The following MMP26 variants were observed in gnomAD, a reference collection of about 807,000 sequenced individuals.
The protein encoded by MMP26 is matrix metallopeptidase 26, also known as matrix metalloproteinase-26.
In MMP26, 33 loss-of-function variants were observed where a neutral mutation model predicts 31.0. That is an observed-to-expected ratio of 1.06 (90% CI 0.81 to 1.42). The LOEUF (loss-of-function observed/expected upper bound fraction) is 1.42. MMP26 is among the 40% of genes most tolerant of loss of function. The pLI is 0.00. For synonymous variants in MMP26, 122 were observed against 114.9 expected (o/e 1.06, Z -0.40); for missense variants, 347 against 316.1 (o/e 1.10, Z -0.74).
chr11:4,797,002 C>A (rs1419972261), intron 2 of MMP26, among the ~76,000 whole-genome samples: 1 of 151,994 alleles, frequency 6.6e-6, no homozygotes, highest in East Asian at 1.9e-4. Context: ...GACTTGCTCA[C>A]TTTTTAAAAT....
intron 2 of MMP26, among the ~76,000 whole-genome samples, chr11:4,906,147 G>T (rs935413489): frequency 2.0e-5 from 3 of 152,144 alleles, no homozygotes; most frequent in African/African-American, 7.2e-5. Flanking sequence ...GTGTTTAAGC[G>T]AGGAGGTGCC....
intron 2 of MMP26, among the ~76,000 whole-genome samples, chr11:4,850,934 C>G (rs548324110): frequency 7.1e-4 from 106 of 150,210 alleles, no homozygotes; most frequent in African/African-American, 2.5e-3. Context: ...ATATAACTTT[C>G]AAGCTAAAAA....
chr11:4,941,031 A>G (rs1846198464), intron 2 of MMP26, among the ~76,000 whole-genome samples: 1 of 145,934 alleles, frequency 6.9e-6, no homozygotes, highest in African/African-American at 2.5e-5. Flanking sequence ...TGGATTATAT[A>G]CCTTTTCCAC....
chr11:4,905,477 C>A (rs1334930119), intron 2 of MMP26, among the ~76,000 whole-genome samples: 1 of 152,074 alleles, frequency 6.6e-6, no homozygotes, highest in South Asian at 2.1e-4. Context: ...AGTTAAGCTT[C>A]CATATAAAGG....
chr11:4,956,747 T>G (rs1846449271), intron 2 of MMP26, among the ~76,000 whole-genome samples: 1 of 152,170 alleles, frequency 6.6e-6, no homozygotes, highest in African/African-American at 2.4e-5. Flanking sequence ...CTTGTCCAAC[T>G]TAGACAAGTT....
chr11:4,722,866 G>A (rs1589883584), intron 1 of MMP26: 1 of 818,640 alleles, frequency 1.2e-6, no homozygotes, highest in Non-Finnish European at 2.1e-6. Flanking sequence ...CAAAGCTGGA[G>A]CCCAGGCCAT....
In MMP26 at chr11:4,989,920, G is replaced by A. The variant is rs753989454; in HGVS notation, c.320+52G>A. 18 of 1,462,874 alleles carry A rather than the reference G, an allele frequency of 1.2e-5. No individual in the cohort carries two copies. The South Asian group carries it at 2.0e-4, about 16-fold the overall frequency. 90.6% of individuals were successfully genotyped at this position (1,462,874 alleles called of 1,614,324 possible). A position where few individuals can be genotyped will look rare whatever the true frequency, so the allele number is the denominator to read the frequency against. On this transcript the variant is annotated intron_variant, in intron 4 of 7. Transcript: ENST00000380390. ...AATGTGTGGGGTGATGACCTCAAAGGGCTTTCTACCAGGTCTCTCCTGGAG... is the reference window on the plus strand; with the variant it reads ...AATGTGTGGGGTGATGACCTCAAAGAGCTTTCTACCAGGTCTCTCCTGGAG...
At chr11:4,884,298 C>G (rs1850519044) in intron 2 of MMP26, among the ~76,000 whole-genome samples, 1 of 151,958 alleles carries the variant, frequency 6.6e-6, no homozygotes, top group Non-Finnish European at 1.5e-5. Flanking sequence ...ACTCCAAGTC[C>G]CTCATTGTAG....
At chr11:4,868,218 G>T (rs151181955) in intron 2 of MMP26, among the ~76,000 whole-genome samples, 1,919 of 152,184 alleles carry the variant, frequency 0.013, 35 homozygotes, top group African/African-American at 0.042. Context: ...CACATGGGGG[G>T]AACAACACAC....
intron 2 of MMP26, among the ~76,000 whole-genome samples, chr11:4,800,205 C>T (rs1050254824): frequency 6.6e-6 from 1 of 152,354 alleles, no homozygotes; most frequent in African/African-American, 2.4e-5. Flanking sequence ...TCTTCCCCTG[C>T]AGCAGGCTTC....
At chr11:4,783,609 G>A (rs1293221165) in intron 2 of MMP26, among the ~76,000 whole-genome samples, 4 of 152,182 alleles carry the variant, frequency 2.6e-5, no homozygotes, top group African/African-American at 7.2e-5. Context: ...ATGTGAAGAA[G>A]TGAGATTTAG....
At chr11:4,732,668 C>T (rs932536494) in intron 1 of MMP26, among the ~76,000 whole-genome samples, 22 of 152,004 alleles carry the variant, frequency 1.4e-4, no homozygotes, top group Non-Finnish European at 2.2e-4. Context: ...CTTTTTGTCT[C>T]TATAGATTTG....
intron 2 of MMP26, among the ~76,000 whole-genome samples, chr11:4,837,233 G>T (rs1849731378): frequency 6.6e-6 from 1 of 152,094 alleles, no homozygotes; most frequent in Non-Finnish European, 1.5e-5. Context: ...TTTGAGACAA[G>T]GTCTTGTTCT....
chr11:4,928,667 G>T (rs563956883), intron 2 of MMP26, among the ~76,000 whole-genome samples: 1 of 151,520 alleles, frequency 6.6e-6, no homozygotes, highest in Non-Finnish European at 1.5e-5. Flanking sequence ...TTTTTTTCAC[G>T]TAAGTCTTAG....
At chr11:4,812,440 A>G (rs1849362509) in intron 2 of MMP26, among the ~76,000 whole-genome samples, 1 of 152,182 alleles carries the variant, frequency 6.6e-6, no homozygotes, top group South Asian at 2.1e-4. Flanking sequence ...AGACAGCCAC[A>G]GTAGAACGCG....
chr11:4,920,343 G>T (rs17337649), intron 2 of MMP26, among the ~76,000 whole-genome samples: 14,250 of 152,114 alleles, frequency 0.094, 857 homozygotes, highest in Middle Eastern at 0.2. Context: ...TCTTTTGCTT[G>T]CTGTACCTTC....
At chr11:4,924,299 A>C in intron 2 of MMP26, 3 of 1,613,066 alleles carry the variant, frequency 1.9e-6, no homozygotes, top group African/African-American at 1.3e-5. Context: ...CGTCAGGAAG[A>C]AAGTGGCTCT....
At chr11:4,727,246 T>G (rs763762575) in intron 1 of MMP26, among the ~76,000 whole-genome samples, 3 of 152,202 alleles carry the variant, frequency 2.0e-5, no homozygotes, top group Non-Finnish European at 4.4e-5. Context: ...GCATACTGTT[T>G]GTTCATCAAC....
chr11:4,849,114 G>T lies in MMP26; in HGVS notation c.-145+81773G>T, dbSNP rs770166893. 20 of 1,614,004 alleles carry T rather than the reference G, an allele frequency of 1.2e-5. No homozygotes were observed. The African/African-American group carries it at 2.5e-4, about 20-fold the overall frequency. On this transcript the variant is annotated intron_variant, in intron 2 of 7. Coordinates refer to ENST00000380390, the MANE Select transcript of MMP26 (RefSeq NM_021801.5). ...AATGAGGGGCAATGTCCACCAGGAGGGTGCACCTGATAGGCCTGGCATGCC... is the reference window on the plus strand; with the variant it reads ...AATGAGGGGCAATGTCCACCAGGAGTGTGCACCTGATAGGCCTGGCATGCC...
Sources: gnomAD v4.1 joint callset for allele counts (sites outside exome capture counted in the v4.1 genomes callset) on GRCh38, gnomAD v4.1.1 for gene constraint, MANE v1.5 for transcripts, NCBI Gene and HGNC (gene_info 2026-07-23, HGNC 2026-07-21) for gene names.